CCR6: variants seen among roughly 807,000 people sequenced by gnomAD.
CCR6 encodes C-C motif chemokine receptor 6.
A neutral mutation model predicts 3.0 loss-of-function variants in CCR6; 2 were observed. That is an observed-to-expected ratio of 0.66 (90% CI 0.27 to 2.07). The LOEUF (loss-of-function observed/expected upper bound fraction) is 2.07, where lower values mean the gene tolerates loss of function less well. Ranked by LOEUF, CCR6 falls within the 30% of genes most tolerant of loss-of-function variation. The pLI is 0.14. For missense variants in CCR6, 322 were observed against 462.8 expected, an observed-to-expected ratio of 0.70 and a Z score of 2.79; for synonymous variants, 193 against 184.3, an observed-to-expected ratio of 1.05 and a Z score of -0.38.
chr6:167,129,167 T>A (rs930213554), intron 1 of CCR6, among the ~76,000 whole-genome samples: 1 of 152,182 alleles, frequency 6.6e-6, no homozygotes, highest in Non-Finnish European at 1.5e-5. Context: ...ACAGAGCCAA[T>A]TGTCCAGACA....
chr6:167,133,997 A>G (rs926811768), intron 1 of CCR6, among the ~76,000 whole-genome samples: 8 of 141,640 alleles, frequency 5.6e-5, no homozygotes, highest in Non-Finnish European at 1.1e-4. Flanking sequence ...GGTAATTCCA[A>G]TTGGTGTATT....
chr6:167,131,660 T>C, intron 1 of CCR6: 1 of 153,056 alleles, frequency 6.5e-6, no homozygotes, highest in Non-Finnish European at 1.5e-5. Context: ...TGCCCACTCC[T>C]TCCCACCGTC....
At position 167,136,048 on chromosome 6, in the gene CCR6, A is replaced by G. The variant is rs3093008; in HGVS notation, c.-87A>G. The G allele has an allele frequency of 0.025, 37,505 of 1,473,066 alleles. 3,396 individuals carry two copies. The African/African-American group carries it at 0.3, about 12-fold the overall frequency. 91.2% of individuals were successfully genotyped at this position (1,473,066 alleles called of 1,614,324 possible). ...TTCTTTCCTTCTTAGAGTCACCTCT[A>G]CTTTCCTGCTACCGCTGCCTGTGAG... On this transcript the variant is annotated 5_prime_UTR_variant, in exon 2 of 3. Coordinates refer to ENST00000341935, the MANE Select transcript of CCR6 (RefSeq NM_031409.4). This position sits in a 1 kb window ranked among gnomAD's most constrained non-coding sequence, Gnocchi z 4.6.
intron 1 of CCR6, among the ~76,000 whole-genome samples, chr6:167,133,960 A>G (rs1437870236): frequency 1.9e-5 from 2 of 103,580 alleles, no homozygotes; most frequent in Non-Finnish European, 2.2e-5. Flanking sequence ...ATATATATAT[A>G]TATATATATA....
At chr6:167,123,806 A>G (rs1781623372) in intron 1 of CCR6, among the ~76,000 whole-genome samples, 1 of 152,194 alleles carries the variant, frequency 6.6e-6, no homozygotes. Flanking sequence ...AGAAAATAAT[A>G]CACAATGATA....
At chr6:167,128,662 C>T (rs561367803) in intron 1 of CCR6, among the ~76,000 whole-genome samples, 2 of 152,332 alleles carry the variant, frequency 1.3e-5, no homozygotes, top group East Asian at 1.9e-4. Flanking sequence ...AACTCTGTCT[C>T]CCAGGTTCAA....
At chr6:167,129,202 T>G (rs1246891429) in intron 1 of CCR6, among the ~76,000 whole-genome samples, 3 of 152,232 alleles carry the variant, frequency 2.0e-5, no homozygotes, top group Non-Finnish European at 4.4e-5. Context: ...TAATTGTACT[T>G]GCACCTGGAT....
chr6:167,122,353 C>T (rs540085003), upstream of CCR6, among the ~76,000 whole-genome samples: 2 of 152,326 alleles, frequency 1.3e-5, no homozygotes, highest in South Asian at 4.1e-4. The surrounding 1 kb of genome is among the most constrained non-coding windows in gnomAD (Gnocchi z 4.2). Flanking sequence ...CTTGCATCTA[C>T]AAATAAATTT....
chr6:167,130,994 C>CA (rs397736920), intron 1 of CCR6, among the ~76,000 whole-genome samples: 2 of 66,398 alleles, frequency 3.0e-5, no homozygotes, highest in Admixed American at 1.8e-4. Flanking sequence ...TCTGGACCCC[C>CA]TCCCTTTGGG....
Position 167,139,125 on chromosome 6 carries a change from T to G in CCR6, c.*1770T>G. On this transcript the variant is annotated 3_prime_UTR_variant, in exon 3 of 3. Coordinates refer to ENST00000341935, the MANE Select transcript of CCR6 (RefSeq NM_031409.4). ...GGCTTTGGCTTTGCAAAATAAAAAA[T>G]GTGTTTTGTACATGAAGTAGGAATC... 6.6e-6 allele frequency: 1 copy of G among 152,302 alleles called. No individual in the cohort carries two copies. The highest frequency in any genetic ancestry group is 1.9e-4 in the East Asian group (1 of 5,334). The allele number at this position is 152,302 out of a possible 1,614,324, so 9.4% of individuals were successfully genotyped here. A position where few individuals can be genotyped will look rare whatever the true frequency, so the allele number is the denominator to read the frequency against.
At position 167,137,595 on chromosome 6, in the gene CCR6, C is replaced by T. The variant is rs1201230009; in HGVS notation, c.*240C>T. On this transcript the variant is annotated 3_prime_UTR_variant, in exon 3 of 3. Coordinates refer to ENST00000341935, the MANE Select transcript of CCR6 (RefSeq NM_031409.4). This position sits in a 1 kb window ranked among gnomAD's most constrained non-coding sequence, Gnocchi z 4.6. ...GTTTTGTAGCTCTAGGGTATATATC[C>T]GCCTGGCATTTCACAAAACAGCCTT... is the stretch of plus-strand genomic sequence containing the variant. The T allele has an allele frequency of 1.5e-5, 6 of 393,972 alleles. No individual in the cohort carries two copies. Among genetic ancestry groups the T allele is most frequent in the South Asian group, 1.1e-4 (2 of 18,284 alleles). 24.4% of individuals were successfully genotyped at this position (393,972 alleles called of 1,614,324 possible).
Position 167,137,340 on chromosome 6 carries a change from G to C in CCR6, c.1110G>C (p.Ser370=), listed in dbSNP as rs773654249. Residue 370 remains serine, a synonymous_variant, in exon 3 of 3, where the codon TCG becomes TCC. Coordinates refer to ENST00000341935, the MANE Select transcript of CCR6 (RefSeq NM_031409.4). This position sits in a 1 kb window ranked among gnomAD's most constrained non-coding sequence, Gnocchi z 4.6. ...TSETADNDNA[S]SFTM Reference sequence around the variant, plus strand: ...AGACCGCAGATAACGACAATGCGTCGTCCTTCACTATGTGATAGAAAGCTG... The same window carrying C: ...AGACCGCAGATAACGACAATGCGTCCTCCTTCACTATGTGATAGAAAGCTG... 5.6e-6 allele frequency: 9 copies of C among 1,611,670 alleles called. No homozygotes were observed. In the South Asian group the frequency reaches 8.8e-5, roughly 16 times the overall value.
intron 1 of CCR6, among the ~76,000 whole-genome samples, chr6:167,130,977 C>CCTCCCTCCGGGCCT (rs1186344219): frequency 4.6e-5 from 6 of 131,648 alleles, no homozygotes; most frequent in African/African-American, 1.2e-4. Flanking sequence ...TCTGGGACCA[C>CCTCCCTCCGGGCCT]CCTCCCTCTG....
chr6:167,133,932 G>GTATATCTATATATA (rs1781808801), intron 1 of CCR6, among the ~76,000 whole-genome samples: 1 of 110,340 alleles, frequency 9.1e-6, no homozygotes, highest in Non-Finnish European at 1.7e-5. Flanking sequence ...ATATATGTGT[G>GTATATCTATATATA]TATATATATA....
intron 1 of CCR6, chr6:167,127,423 T>C (rs1318802100): frequency 6.6e-6 from 1 of 152,256 alleles, no homozygotes; most frequent in Non-Finnish European, 1.5e-5. Context: ...TGTCTTAATA[T>C]ACTAGCCACA....
At position 167,136,235 on chromosome 6, in the gene CCR6, TC is replaced by T. The variant is rs1169349254; in HGVS notation, c.10-3del. The T allele has an allele frequency of 1.9e-6, 3 of 1,606,362 alleles. No individual in the cohort carries two copies. The highest frequency in any genetic ancestry group is 2.6e-6 in the Non-Finnish European group (3 of 1,175,250). On this transcript the variant is annotated splice_region_variant and splice_polypyrimidine_tract_variant and intron_variant, in intron 2 of 2. Transcript: ENST00000341935. This position sits in a 1 kb window ranked among gnomAD's most constrained non-coding sequence, Gnocchi z 4.6. The stretch of plus-strand genomic sequence containing the variant: ...CAGCTAACTCTATCTTTGTTTCCTT[TC>T]CAGGAATCAATGAATTTCAGCGATG...
At chr6:167,121,488 G>C (rs1440216517), upstream of CCR6, 1 of 152,390 alleles carries the variant, frequency 6.6e-6, no homozygotes, top group Non-Finnish European at 1.5e-5. Context: ...TGTGTTACCT[G>C]GTGGCCTGTT....
intron 1 of CCR6, among the ~76,000 whole-genome samples, chr6:167,112,900 G>T (rs1781437075): frequency 6.6e-6 from 1 of 152,140 alleles, no homozygotes; most frequent in Non-Finnish European, 1.5e-5. Flanking sequence ...GCATCAGAAG[G>T]AGTTCTAGTG....
At chr6:167,117,360 A>C (rs988601083) in intron 1 of CCR6, among the ~76,000 whole-genome samples, 1 of 150,462 alleles carries the variant, frequency 6.6e-6, no homozygotes, top group African/African-American at 2.5e-5. Flanking sequence ...AGTTAAGGAA[A>C]TAACCTGTCT....
Sources: allele counts gnomAD v4.1 joint callset (sites outside exome capture counted in the v4.1 genomes callset), GRCh38; gene constraint gnomAD v4.1.1; non-coding constraint Gnocchi (gnomAD v3.1); transcripts MANE v1.5; gene names NCBI Gene and HGNC (gene_info 2026-07-23, HGNC 2026-07-21).